ACVR1: variants seen among roughly 807,000 people sequenced by gnomAD.
The protein encoded by ACVR1 is activin A receptor type 1, also known as activin receptor type-1.
A neutral mutation model predicts 57.1 loss-of-function variants in ACVR1; 38 were observed. That is an observed-to-expected ratio of 0.67 (90% CI 0.51 to 0.87). ACVR1 has a LOEUF of 0.87. Among genes scored for constraint, ACVR1 ranks in the 40% least tolerant of loss-of-function variants. ACVR1 has a pLI of 0.00. For synonymous variants in ACVR1, 212 were observed against 228.1 expected (o/e 0.93, Z 0.63); for missense variants, 463 against 638.2 (o/e 0.73, Z 2.96).
chr2:157,863,304 T>C (rs111741469), intron 1 of ACVR1, among the ~76,000 whole-genome samples: 28 of 133,568 alleles, frequency 2.1e-4, no homozygotes, highest in African/African-American at 6.6e-4. Flanking sequence ...TGAGCCACCA[T>C]GCCCAGCCTA....
intron 6 of ACVR1, 109 bp from the exon 7 acceptor site, chr2:157,770,623 G>A (rs1172437348): frequency 3.6e-6 from 4 of 1,100,526 alleles, no homozygotes; most frequent in African/African-American, 3.1e-5. Flanking sequence ...TCCCTCCATT[G>A]CTTACTGGAG....
chr2:157,758,002 CAG>C (rs1685502212), intron 9 of ACVR1, among the ~76,000 whole-genome samples: 1 of 151,640 alleles, frequency 6.6e-6, no homozygotes, highest in Non-Finnish European at 1.5e-5. Flanking sequence ...TGAATGTAAA[CAG>C]ATTAAATCCC....
At chr2:157,773,275 C>T (rs116559298) in intron 6 of ACVR1, among the ~76,000 whole-genome samples, 2,672 of 152,232 alleles carry the variant, frequency 0.018, 64 homozygotes, top group African/African-American at 0.059. Context: ...TACCATCTTC[C>T]AAGAGAGCCA....
intron 3 of ACVR1, among the ~76,000 whole-genome samples, chr2:157,799,200 ATTTATT>A (rs1687232361): frequency 6.6e-6 from 1 of 152,160 alleles, no homozygotes; most frequent in South Asian, 2.1e-4. Context: ...TTGGCCCTAT[ATTTATT>A]TTAAGTAGAA....
chr2:157,858,652 T>A (rs1285324074), intron 1 of ACVR1, among the ~76,000 whole-genome samples: 5 of 151,948 alleles, frequency 3.3e-5, no homozygotes, highest in Admixed American at 2.0e-4. Context: ...CCCTGCTAAT[T>A]TTTCTATTTT....
Position 157,793,591 on chromosome 2 carries a change from G to A in ACVR1, c.67+5836C>T, listed in dbSNP as rs537222948. Among the ~76,000 whole-genome samples, 7 of 152,290 alleles carry A rather than the reference G, an allele frequency of 4.6e-5. No individual in the cohort carries two copies. The South Asian group carries it at 1.5e-3, about 32-fold the overall frequency. ...CCAGTAGTAGCAAATGCCTTAGTATGTCATCCCTTTCCCTAAAAACATCTT... is the reference window on the plus strand; with the variant it reads ...CCAGTAGTAGCAAATGCCTTAGTATATCATCCCTTTCCCTAAAAACATCTT... On this transcript the variant is annotated intron_variant, in intron 3 of 10. Coordinates refer to ENST00000434821, the MANE Select transcript of ACVR1 (RefSeq NM_001111067.4).
At chr2:157,840,861 T>C (rs1215684458) in intron 1 of ACVR1, among the ~76,000 whole-genome samples, 1 of 152,242 alleles carries the variant, frequency 6.6e-6, no homozygotes, top group African/African-American at 2.4e-5. Context: ...AACTACTGTC[T>C]GGCCAGCAAG....
intron 8 of ACVR1, among the ~76,000 whole-genome samples, chr2:157,761,613 A>C (rs1384527674): frequency 6.6e-6 from 1 of 152,184 alleles, no homozygotes; most frequent in Non-Finnish European, 1.5e-5. Flanking sequence ...GACCAAACCC[A>C]CAGGCCTTTT....
rs1032225007 is a variant in ACVR1, at chr2:157,815,165, G to A, written c.-8+3220C>T. On this transcript the variant is annotated intron_variant, in intron 2 of 10. Transcript: ENST00000434821. Reference sequence around the variant, plus strand: ...AGAAATATTATTTCAATAAGAAAACGTATAAAACCGTGGATACTGTTACCA... The same window carrying A: ...AGAAATATTATTTCAATAAGAAAACATATAAAACCGTGGATACTGTTACCA... 1.1e-4 allele frequency among the ~76,000 whole-genome samples: 16 copies of A among 152,030 alleles called. 1 individual carries two copies. The highest frequency in any genetic ancestry group is 8.5e-4 in the Admixed American group (13 of 15,260).
Position 157,780,708 on chromosome 2 carries a change from G to A in ACVR1, c.68-108C>T, listed in dbSNP as rs1686484539. ...TTCCAAACACCTCTATCAACAGAAA[G>A]TCAAGCTAAGCATCACCATCAACCA... is the stretch of plus-strand genomic sequence containing the variant. On this transcript the variant is annotated intron_variant, in intron 3 of 10. Coordinates refer to ENST00000434821, the MANE Select transcript of ACVR1 (RefSeq NM_001111067.4). 10 of 1,354,112 alleles carry A rather than the reference G, an allele frequency of 7.4e-6. No individual in the cohort carries two copies. The South Asian group carries it at 1.3e-4, about 18-fold the overall frequency. The allele number at this position is 1,354,112 out of a possible 1,614,324, so 83.9% of individuals were successfully genotyped here.
chr2:157,780,409 G>T lies in ACVR1; in HGVS notation c.259C>A (p.Pro87Thr), dbSNP rs1686461170. The change falls in exon 4 of 11, where the codon CCT (proline) becomes ACT (threonine). Residue 87 changes from proline (P) to threonine (T), a missense_variant. Physicochemically the swap from Pro to Thr is conservative, Grantham distance 38. Transcript: ENST00000434821. ...TGGCAGCACTCCACGGCTTGGCCAG[G>T]GGACGGCGGGGTCTTACAGGTCATC... Reference protein sequence around the residue: ...GKMTCKTPPSPGQAVECCQGD... With the variant: ...GKMTCKTPPSTGQAVECCQGD... 1.2e-6 allele frequency: 2 copies of T among 1,614,190 alleles called. No individual in the cohort carries two copies. The highest frequency in any genetic ancestry group is 3.3e-5 in the Admixed American group (2 of 60,030).
Position 157,761,224 on chromosome 2 carries a change from C to T in ACVR1, c.1067-147G>A, listed in dbSNP as rs183746773. The T allele has an allele frequency of 1.3e-4, 96 of 729,118 alleles. 1 individual carries two copies. Among genetic ancestry groups the T allele is most frequent in the Middle Eastern group, 7.6e-4 (2 of 2,640 alleles). 45.2% of individuals were successfully genotyped at this position (729,118 alleles called of 1,614,324 possible). On this transcript the variant is annotated intron_variant, in intron 8 of 10. Transcript: ENST00000434821. Reference sequence around the variant, plus strand: ...TACACTCAGAATGATCCCTAGAATGCCCTTTGTGATTATTTCCGGGGTGAG... The same window carrying T: ...TACACTCAGAATGATCCCTAGAATGTCCTTTGTGATTATTTCCGGGGTGAG...
rs181574634 is a variant in ACVR1, at chr2:157,866,741, T to C, written c.-183+9055A>G. ...GAGCAGATGTTTTATCAGTTTCCCATGTTCAAAAGTTGGAGACTGTTATTT... is the reference window on the plus strand; with the variant it reads ...GAGCAGATGTTTTATCAGTTTCCCACGTTCAAAAGTTGGAGACTGTTATTT... On this transcript the variant is annotated intron_variant, in intron 1 of 10. Transcript: ENST00000434821. Among the ~76,000 whole-genome samples the C allele has an allele frequency of 2.8e-4, 42 of 152,360 alleles. No homozygotes were observed. The East Asian group carries it at 4.2e-3, about 15-fold the overall frequency.
intron 2 of ACVR1, among the ~76,000 whole-genome samples, chr2:157,817,246 A>G (rs1687972443): frequency 6.6e-6 from 1 of 152,246 alleles, no homozygotes; most frequent in African/African-American, 2.4e-5. Flanking sequence ...TAGAGGCATG[A>G]GCCACCATGC....
At chr2:157,758,056 A>G (rs770048034) in intron 9 of ACVR1, among the ~76,000 whole-genome samples, 11 of 152,036 alleles carry the variant, frequency 7.2e-5, no homozygotes, top group Non-Finnish European at 4.4e-5. Context: ...GATTAAAAAC[A>G]AGACCCAACT....
intron 3 of ACVR1, among the ~76,000 whole-genome samples, chr2:157,795,256 T>C (rs1297033188): frequency 6.6e-6 from 1 of 152,186 alleles, no homozygotes; most frequent in Non-Finnish European, 1.5e-5. Context: ...GATTAAGTAT[T>C]AGTACTTAAC....
intron 2 of ACVR1, among the ~76,000 whole-genome samples, chr2:157,805,114 A>G (rs1344671298): frequency 6.6e-6 from 1 of 152,246 alleles, no homozygotes; most frequent in Non-Finnish European, 1.5e-5. Context: ...GCTAATCTAT[A>G]ATACAGCATG....
chr2:157,786,662 T>C (rs1163988150), intron 3 of ACVR1, among the ~76,000 whole-genome samples: 1 of 152,222 alleles, frequency 6.6e-6, no homozygotes, highest in Admixed American at 6.5e-5. Flanking sequence ...CAAGTGTTCC[T>C]TAAAAAAATG....
intron 1 of ACVR1, among the ~76,000 whole-genome samples, chr2:157,847,748 G>A (rs986469052): frequency 2.0e-5 from 3 of 152,184 alleles, no homozygotes; most frequent in African/African-American, 7.2e-5. Context: ...TGGGAACACA[G>A]AAGAGAGAAA....
Sources: gnomAD v4.1 joint callset for allele counts (sites outside exome capture counted in the v4.1 genomes callset) on GRCh38, gnomAD v4.1.1 for gene constraint, MANE v1.5 for transcripts, NCBI Gene and HGNC (gene_info 2026-07-23, HGNC 2026-07-21) for gene names.